The following PDZD2 variants were observed in gnomAD, a reference collection of about 807,000 sequenced individuals.
PDZD2 encodes PDZ domain-containing protein 2.
A neutral mutation model predicts 220.7 loss-of-function variants in PDZD2; 90 were observed. That is an observed-to-expected ratio of 0.41 (90% confidence interval 0.34 to 0.49). The LOEUF (loss-of-function observed/expected upper bound fraction) is 0.49. Among genes scored for constraint, PDZD2 ranks in the 20% least tolerant of loss-of-function variants. PDZD2 has a pLI of 0.28. For synonymous variants in PDZD2, 1,375 were observed against 1,450.5 expected (o/e 0.95, Z 1.18); for missense variants, 3,174 against 3,608.5 (o/e 0.88, Z 3.08).
intron 4 of PDZD2, among the ~76,000 whole-genome samples, chr5:31,999,248 CT>C (rs1435182496): frequency 4.1e-5 from 2 of 48,804 alleles, no homozygotes; most frequent in African/African-American, 7.8e-5. Flanking sequence ...TTCTTAATTG[CT>C]TTTTTTTGGG....
intron 1 of PDZD2, among the ~76,000 whole-genome samples, chr5:31,765,026 G>A (rs1006450182): frequency 2.0e-5 from 3 of 151,846 alleles, no homozygotes; most frequent in Non-Finnish European, 4.4e-5. Flanking sequence ...GCAGTGAGCC[G>A]AGATCACGCT....
At chr5:31,947,122 T>G (rs1746708520) in intron 2 of PDZD2, among the ~76,000 whole-genome samples, 1 of 152,196 alleles carries the variant, frequency 6.6e-6, no homozygotes, top group South Asian at 2.1e-4. Flanking sequence ...ACGGGCTAAC[T>G]GGTATCAAGG....
intron 16 of PDZD2, among the ~76,000 whole-genome samples, chr5:32,071,911 C>T (rs1022078092): frequency 3.3e-5 from 5 of 152,082 alleles, no homozygotes; most frequent in East Asian, 3.9e-4. Context: ...GTGGCTTTTC[C>T]GATCATTGCC....
chr5:32,037,463 A>T (rs923834), intron 7 of PDZD2, 121 bp downstream of exon 7: 352,909 of 634,522 alleles, frequency 0.56, 100,149 homozygotes, highest in South Asian at 0.62. Flanking sequence ...AATCATTTTT[A>T]CCTTGGATGG....
At chr5:31,999,384 G>A (rs779542402) in intron 4 of PDZD2, among the ~76,000 whole-genome samples, 14 of 151,694 alleles carry the variant, frequency 9.2e-5, no homozygotes, top group Non-Finnish European at 1.5e-4. Flanking sequence ...CTGGTGGCAC[G>A]CACTTGTAGT....
chr5:31,884,650 G>A (rs1170635344), intron 2 of PDZD2, among the ~76,000 whole-genome samples: 3 of 151,884 alleles, frequency 2.0e-5, no homozygotes, highest in Non-Finnish European at 2.9e-5. Flanking sequence ...GTGCAATGGC[G>A]CGATCTCGGC....
chr5:31,791,225 A>C (rs1753703866), intron 1 of PDZD2, among the ~76,000 whole-genome samples: 1 of 152,134 alleles, frequency 6.6e-6, no homozygotes, highest in South Asian at 2.1e-4. Context: ...GGCCTTTCTA[A>C]GCAAAGTGAT....
chr5:32,045,509 C>T (rs913860227), intron 7 of PDZD2, among the ~76,000 whole-genome samples: 3 of 151,604 alleles, frequency 2.0e-5, no homozygotes, highest in Admixed American at 6.6e-5. Flanking sequence ...GCAACCTCCC[C>T]TTCTGGATTC....
At chr5:31,923,881 C>T (rs921563779) in intron 2 of PDZD2, among the ~76,000 whole-genome samples, 10 of 152,152 alleles carry the variant, frequency 6.6e-5, no homozygotes, top group Admixed American at 4.6e-4. Flanking sequence ...AAGCTTCAAG[C>T]TTATTCCCCT....
intron 2 of PDZD2, among the ~76,000 whole-genome samples, chr5:31,974,224 G>A (rs972726839): frequency 5.9e-5 from 9 of 152,048 alleles, no homozygotes; most frequent in African/African-American, 9.7e-5. Context: ...CAGGTGATCT[G>A]CCCACCTTGG....
At chr5:31,642,339 A>G (rs1560144) in intron 1 of PDZD2, among the ~76,000 whole-genome samples, 83,610 of 151,946 alleles carry the variant, frequency 0.55, 24,700 homozygotes, top group South Asian at 0.69. Context: ...AGAGCTATGC[A>G]GACAAGCCCA....
At chr5:32,040,398 GC>G (rs1436450597) in intron 7 of PDZD2, among the ~76,000 whole-genome samples, 1 of 146,480 alleles carries the variant, frequency 6.8e-6, no homozygotes, top group Non-Finnish European at 1.5e-5. Flanking sequence ...CTGCCCGGCC[GC>G]CACCCTGTCT....
intron 1 of PDZD2, among the ~76,000 whole-genome samples, chr5:31,698,937 T>C (rs1034044569): frequency 5.3e-5 from 8 of 152,214 alleles, no homozygotes; most frequent in Non-Finnish European, 1.0e-4. Flanking sequence ...GATGTGTCTT[T>C]GCCTAGAGTA....
At chr5:32,036,482 C>T (rs1755566527) in intron 6 of PDZD2, among the ~76,000 whole-genome samples, 1 of 152,150 alleles carries the variant, frequency 6.6e-6, no homozygotes, top group Non-Finnish European at 1.5e-5. Flanking sequence ...ATTTTCTTCT[C>T]TAGTAAATGG....
At chr5:31,959,170 A>G (rs909826123) in intron 2 of PDZD2, among the ~76,000 whole-genome samples, 2 of 151,578 alleles carry the variant, frequency 1.3e-5, no homozygotes, top group African/African-American at 4.8e-5. Flanking sequence ...TGACCTTGTG[A>G]TCCGCCCTCC....
At chr5:31,684,130 G>C (rs1746755741) in intron 1 of PDZD2, among the ~76,000 whole-genome samples, 1 of 152,150 alleles carries the variant, frequency 6.6e-6, no homozygotes, top group Non-Finnish European at 1.5e-5. Flanking sequence ...ATCTTTTGCT[G>C]ATGCCCCCGT....
chr5:32,018,533 T>C (rs1753949069), intron 6 of PDZD2, among the ~76,000 whole-genome samples: 1 of 152,242 alleles, frequency 6.6e-6, no homozygotes, highest in Admixed American at 6.5e-5. Context: ...CACATCATTG[T>C]TCTCATTGCC....
intron 4 of PDZD2, among the ~76,000 whole-genome samples, chr5:31,996,834 C>G (rs1751675753): frequency 6.6e-6 from 1 of 152,196 alleles, no homozygotes; most frequent in Admixed American, 6.5e-5. Context: ...TGTGAGCCAT[C>G]ACTGTGCCAG....
chr5:31,803,848 C>A (rs536952037), intron 2 of PDZD2, among the ~76,000 whole-genome samples: 1 of 152,086 alleles, frequency 6.6e-6, no homozygotes, highest in East Asian at 1.9e-4. Flanking sequence ...CCAGCCTGGG[C>A]AACATGGCAA....
Sources: gnomAD v4.1 joint callset for allele counts (sites outside exome capture counted in the v4.1 genomes callset) on GRCh38, gnomAD v4.1.1 for gene constraint, MANE v1.5 for transcripts, NCBI Gene and HGNC (gene_info 2026-07-23, HGNC 2026-07-21) for gene names.